The following MTREX variants were observed in gnomAD, a reference collection of about 807,000 sequenced individuals.
The protein encoded by MTREX is Mtr4 exosome RNA helicase, also known as exosome RNA helicase MTR4.
A neutral mutation model predicts 135.4 loss-of-function variants in MTREX; 76 were observed. The observed-to-expected ratio is 0.56, with a 90% CI of 0.47 to 0.68. The LOEUF is 0.68. Ranked by LOEUF, MTREX falls within the 30% of genes least tolerant of loss-of-function variation. MTREX has a pLI of 0.00. For synonymous variants in MTREX, 404 were observed against 401.6 expected, an observed-to-expected ratio of 1.01 and a Z score of -0.07; for missense variants, 920 against 1,262.1, an observed-to-expected ratio of 0.73 and a Z score of 4.11.
intron 10 of MTREX, among the ~76,000 whole-genome samples, chr5:55,346,375 G>T (rs902874498): frequency 5.3e-5 from 8 of 152,274 alleles, no homozygotes; most frequent in South Asian, 2.1e-4. Flanking sequence ...TGTAATTACA[G>T]CATCCCTGGG....
chr5:55,382,155 T>G (rs1360126267), intron 18 of MTREX, among the ~76,000 whole-genome samples: 1 of 152,176 alleles, frequency 6.6e-6, no homozygotes, highest in Non-Finnish European at 1.5e-5. Flanking sequence ...ACATTGAGTT[T>G]TATTACTGAT....
chr5:55,387,808 T>A (rs1750502372), intron 18 of MTREX, among the ~76,000 whole-genome samples, 166 bp from the exon 19 acceptor site: 1 of 152,132 alleles, frequency 6.6e-6, no homozygotes, highest in South Asian at 2.1e-4. Flanking sequence ...ATGGAACATG[T>A]TGAATCCAGA....
intron 6 of MTREX, among the ~76,000 whole-genome samples, chr5:55,340,730 C>T (rs1471969747): frequency 7.9e-5 from 12 of 152,024 alleles, no homozygotes; most frequent in Non-Finnish European, 1.0e-4. Context: ...TACAGGCGCC[C>T]GCCACCATGC....
chr5:55,394,669 A>AT (rs1750620387), intron 19 of MTREX, among the ~76,000 whole-genome samples: 1 of 152,210 alleles, frequency 6.6e-6, no homozygotes, highest in African/African-American at 2.4e-5. Flanking sequence ...GGTTCTTAAC[A>AT]GGCCACAGAC....
intron 9 of MTREX, among the ~76,000 whole-genome samples, 191 bp from the exon 10 acceptor site, chr5:55,344,903 T>A (rs1749705575): frequency 6.6e-6 from 1 of 152,330 alleles, no homozygotes; most frequent in East Asian, 1.9e-4. Context: ...TCTTATGTTT[T>A]GCTTTTCTTC....
intron 23 of MTREX, among the ~76,000 whole-genome samples, chr5:55,411,027 C>T (rs1750878048): frequency 6.6e-6 from 1 of 152,118 alleles, no homozygotes; most frequent in Non-Finnish European, 1.5e-5. Flanking sequence ...AGAATAATGA[C>T]GAAGCAGTCC....
chr5:55,405,086 T>C lies in MTREX; in HGVS notation c.2482-339T>C, dbSNP rs7712136. Among the ~76,000 whole-genome samples, 610 of 152,168 alleles carry C rather than the reference T, an allele frequency of 4.0e-3. 4 individuals carry two copies. The highest frequency in any genetic ancestry group is 0.014 in the African/African-American group (583 of 41,528). On this transcript the variant is annotated intron_variant, in intron 21 of 26. Transcript: ENST00000230640. Reference sequence around the variant, plus strand: ...TGCTGGGATTACAGGTGTGAGCCATTGCGCCCGGCCTCTGTTCTCTGTCTC... The same window carrying C: ...TGCTGGGATTACAGGTGTGAGCCATCGCGCCCGGCCTCTGTTCTCTGTCTC...
intron 18 of MTREX, among the ~76,000 whole-genome samples, chr5:55,387,716 C>T (rs1045927015): frequency 7.2e-5 from 11 of 152,048 alleles, no homozygotes; most frequent in African/African-American, 2.7e-4. Context: ...TTATTAGAAA[C>T]ATTCTGTGAC....
intron 22 of MTREX, among the ~76,000 whole-genome samples, chr5:55,408,290 C>T (rs1362441710): frequency 6.6e-6 from 1 of 152,178 alleles, no homozygotes; most frequent in African/African-American, 2.4e-5. Flanking sequence ...CTTCTTCAAT[C>T]TGGTTTTAGG....
At chr5:55,420,609 A>G (rs1277732701) in intron 25 of MTREX, among the ~76,000 whole-genome samples, 1 of 152,216 alleles carries the variant, frequency 6.6e-6, no homozygotes, top group Non-Finnish European at 1.5e-5. Context: ...GAAGGCAGAC[A>G]CAAAGGCCAC....
chr5:55,420,226 T>C (rs1751033561), intron 25 of MTREX, among the ~76,000 whole-genome samples: 2 of 152,124 alleles, frequency 1.3e-5, no homozygotes, highest in African/African-American at 4.8e-5. Context: ...GATAGGAGTA[T>C]TAAATTCGGG....
chr5:55,342,664 A>G (rs1749670737), intron 7 of MTREX, among the ~76,000 whole-genome samples: 1 of 152,216 alleles, frequency 6.6e-6, no homozygotes, highest in Non-Finnish European at 1.5e-5. Context: ...GTTTTTATTT[A>G]AACTAGCTCA....
chr5:55,425,096 A>C lies in MTREX; in HGVS notation c.*324A>C. The C allele has an allele frequency of 1.5e-6, 2 of 1,377,502 alleles. No individual in the cohort carries two copies. Among genetic ancestry groups the C allele is most frequent in the Admixed American group, 2.3e-5 (1 of 43,972 alleles). The allele number at this position is 1,377,502 out of a possible 1,614,324, so 85.3% of individuals were successfully genotyped here. A position where few individuals can be genotyped will look rare whatever the true frequency, so the allele number is the denominator to read the frequency against. ...TGCATCCAAGAGGCATAGCAGCAGCAGAAGTCTTTAAAGGCTTGTACACCA... is the reference window on the plus strand; with the variant it reads ...TGCATCCAAGAGGCATAGCAGCAGCCGAAGTCTTTAAAGGCTTGTACACCA... On this transcript the variant is annotated 3_prime_UTR_variant, in exon 27 of 27. Transcript: ENST00000230640.
At chr5:55,390,492 G>A (rs758848674) in intron 19 of MTREX, among the ~76,000 whole-genome samples, 1 of 152,200 alleles carries the variant, frequency 6.6e-6, no homozygotes, top group African/African-American at 2.4e-5. Flanking sequence ...GTGTGTGTCT[G>A]TGTGTAGAGG....
At chr5:55,339,146 AG>A (rs1263868711) in intron 5 of MTREX, among the ~76,000 whole-genome samples, 10 of 151,946 alleles carry the variant, frequency 6.6e-5, no homozygotes, top group Non-Finnish European at 1.5e-4. Flanking sequence ...TTCCTTTTTG[AG>A]ACAGTCAGTT....
At chr5:55,408,326 A>G (rs1027990408) in intron 22 of MTREX, among the ~76,000 whole-genome samples, 8 of 152,024 alleles carry the variant, frequency 5.3e-5, no homozygotes, top group African/African-American at 1.7e-4. Flanking sequence ...TCCTCATAAC[A>G]CTTGTATAAA....
chr5:55,333,640 T>TA (rs2112046311), intron 5 of MTREX, among the ~76,000 whole-genome samples: 1 of 152,242 alleles, frequency 6.6e-6, no homozygotes, highest in South Asian at 2.1e-4. Flanking sequence ...GGATTGTAGA[T>TA]ACTAGAAAAC....
chr5:55,415,910 A>G, intron 24 of MTREX, 60 bp from the exon 25 acceptor site: 1 of 1,245,908 alleles, frequency 8.0e-7, no homozygotes, highest in South Asian at 1.6e-5. Context: ...TTGGAAACCT[A>G]AAGAATAAAG....
chr5:55,399,729 C>T (rs1284054423), intron 20 of MTREX, among the ~76,000 whole-genome samples: 2 of 152,064 alleles, frequency 1.3e-5, no homozygotes, highest in Non-Finnish European at 2.9e-5. Flanking sequence ...CCTTGTGATC[C>T]GCCCACCTCG....
Sources: allele counts gnomAD v4.1 joint callset (sites outside exome capture counted in the v4.1 genomes callset), GRCh38; gene constraint gnomAD v4.1.1; transcripts MANE v1.5; gene names NCBI Gene and HGNC (gene_info 2026-07-23, HGNC 2026-07-21).